The following MDH2 variants were observed in gnomAD, a reference collection of about 807,000 sequenced individuals.
The protein encoded by MDH2 is malate dehydrogenase, mitochondrial.
MDH2 carries 25 observed loss-of-function variants against 33.6 expected under a neutral mutation model. The ratio of observed to expected loss-of-function variants is 0.74; its 90% CI spans 0.54 to 1.04. The LOEUF (loss-of-function observed/expected upper bound fraction) is 1.04, where lower values mean the gene tolerates loss of function less well. Ranked by LOEUF, MDH2 falls within the 50% of genes least tolerant of loss-of-function variation. MDH2 has a pLI of 0.00. For synonymous variants in MDH2, 193 were observed against 188.7 expected (o/e 1.02, Z -0.19); for missense variants, 432 against 445.0 (o/e 0.97, Z 0.26).
At chr7:76,051,617 A>G (rs1444600836) in intron 1 of MDH2, among the ~76,000 whole-genome samples, 6 of 152,204 alleles carry the variant, frequency 3.9e-5, no homozygotes, top group Admixed American at 2.6e-4. Context: ...CACCACGCCT[A>G]GCTGGATCCT....
chr7:76,054,707 A>G lies in MDH2; in HGVS notation c.67-123A>G, dbSNP rs115007081. 1.4e-3 allele frequency: 1,574 copies of G among 1,100,238 alleles called. 12 individuals carry two copies. In the African/African-American group the frequency reaches 0.022, roughly 15 times the overall value. The allele number at this position is 1,100,238 out of a possible 1,614,324, so 68.2% of individuals were successfully genotyped here. Reference sequence around the variant, plus strand: ...CCAGAATGAGACTGTTACAAATACAATGATTGTATCTTGCTTTGGCAACTG... The same window carrying G: ...CCAGAATGAGACTGTTACAAATACAGTGATTGTATCTTGCTTTGGCAACTG... On this transcript the variant is annotated intron_variant, in intron 1 of 8. Coordinates refer to ENST00000315758, the MANE Select transcript of MDH2 (RefSeq NM_005918.4).
At chr7:76,058,868 G>C (rs1375840641) in intron 4 of MDH2, among the ~76,000 whole-genome samples, 1 of 152,166 alleles carries the variant, frequency 6.6e-6, no homozygotes, top group African/African-American at 2.4e-5. Context: ...TGGTGTAGAC[G>C]CATGGGTATG....
intron 8 of MDH2, 45 bp from the exon 9 acceptor site, chr7:76,066,234 C>A: frequency 6.3e-7 from 1 of 1,593,092 alleles, no homozygotes; most frequent in Non-Finnish European, 8.6e-7. Flanking sequence ...CTCTAACAAG[C>A]ACTTTCCTGG....
At chr7:76,060,668 G>A (rs1390292850) in intron 5 of MDH2, among the ~76,000 whole-genome samples, 170 bp downstream of exon 5, 1 of 152,028 alleles carries the variant, frequency 6.6e-6, no homozygotes, top group African/African-American at 2.4e-5. Context: ...TGTGTTTCCT[G>A]TGGGTTCCAG....
chr7:76,049,250 T>C (rs1371077434), intron 1 of MDH2, among the ~76,000 whole-genome samples: 2 of 152,144 alleles, frequency 1.3e-5, no homozygotes, highest in African/African-American at 4.8e-5. Context: ...GAGTTTAACT[T>C]TGTGTATTTT....
chr7:76,065,083 C>T, intron 8 of MDH2, 130 bp downstream of exon 8: 1 of 1,106,580 alleles, frequency 9.0e-7, no homozygotes, highest in Non-Finnish European at 1.3e-6. Context: ...CTGTTGTTTT[C>T]AAGGGTGGAC....
chr7:76,054,639 C>T (rs1226484276), intron 1 of MDH2, 191 bp from the exon 2 acceptor site: 2 of 672,288 alleles, frequency 3.0e-6, no homozygotes, highest in South Asian at 3.6e-5. Context: ...ATAAATTCTC[C>T]CCATTTGAAA....
chr7:76,060,589 G>T, intron 5 of MDH2, 91 bp downstream of exon 5: 1 of 1,541,590 alleles, frequency 6.5e-7, no homozygotes, highest in Non-Finnish European at 8.8e-7. Flanking sequence ...ATGAAGGCAT[G>T]CCCAGGTCAC....
intron 6 of MDH2, among the ~76,000 whole-genome samples, chr7:76,063,941 G>A (rs1363103684): frequency 1.3e-5 from 2 of 152,128 alleles, no homozygotes; most frequent in Non-Finnish European, 1.5e-5. Context: ...AGGCCAAAGC[G>A]GGAGGATTGC....
intron 1 of MDH2, among the ~76,000 whole-genome samples, chr7:76,050,170 C>A (rs1797576049): frequency 6.6e-6 from 1 of 152,168 alleles, no homozygotes; most frequent in African/African-American, 2.4e-5. Context: ...GTGGGAATCA[C>A]AGGCAAGGGC....
intron 4 of MDH2, 105 bp from the exon 5 acceptor site, chr7:76,060,268 T>G: frequency 1.4e-6 from 2 of 1,433,810 alleles, no homozygotes; most frequent in South Asian, 1.4e-5. Flanking sequence ...ATCTTTGGAC[T>G]AGTTAGACCT....
chr7:76,064,263 A>C, intron 6 of MDH2, 76 bp from the exon 7 acceptor site: 3 of 1,044,790 alleles, frequency 2.9e-6, no homozygotes, highest in Non-Finnish European at 2.8e-6. Context: ...GAGGTCGGGA[A>C]TAGTGGGGGT....
chr7:76,065,569 TGA>T (rs1464014573), intron 8 of MDH2, among the ~76,000 whole-genome samples: 9 of 152,200 alleles, frequency 5.9e-5, no homozygotes, highest in Non-Finnish European at 1.2e-4. Context: ...CAGGCCTTGG[TGA>T]GAGACAGGCA....
intron 6 of MDH2, among the ~76,000 whole-genome samples, chr7:76,064,029 C>G (rs73136047): frequency 3.6e-4 from 54 of 151,406 alleles, no homozygotes; most frequent in Non-Finnish European, 5.5e-4. Flanking sequence ...ACCCTGGCCT[C>G]AAAAAACAAA....
intron 2 of MDH2, among the ~76,000 whole-genome samples, chr7:76,056,969 C>T (rs1361166625): frequency 6.6e-6 from 1 of 150,972 alleles, no homozygotes; most frequent in African/African-American, 2.4e-5. Flanking sequence ...GCCAAGATCA[C>T]ACCACTGCAC....
chr7:76,051,609 CCA>C (rs1247360204), intron 1 of MDH2, among the ~76,000 whole-genome samples: 1 of 152,188 alleles, frequency 6.6e-6, no homozygotes, highest in African/African-American at 2.4e-5. Flanking sequence ...GCGTGAGCCA[CCA>C]CGCCTAGCTG....
At position 76,048,846 on chromosome 7, in the gene MDH2, C is replaced by G. The variant is rs901393117; in HGVS notation, c.66+620C>G. 78 of 1,199,688 alleles carry G rather than the reference C, an allele frequency of 6.5e-5. No homozygotes were observed. The Admixed American group carries it at 3.3e-3, about 50-fold the overall frequency. The allele number at this position is 1,199,688 out of a possible 1,614,324, so 74.3% of individuals were successfully genotyped here. A position where few individuals can be genotyped will look rare whatever the true frequency, so the allele number is the denominator to read the frequency against. ...TAACAGTGCTTGACTTGGCCCGCGA[C>G]CACTTAAGCCTAGGAGCCTAGGCTA... On this transcript the variant is annotated intron_variant, in intron 1 of 8. Coordinates refer to ENST00000315758, the MANE Select transcript of MDH2 (RefSeq NM_005918.4).
Position 76,048,181 on chromosome 7 carries a change from G to A in MDH2, c.21G>A (p.Arg7=), listed in dbSNP as rs781946624. MLSALA[R]PASAALRRSF... ...CAGCCATGCTCTCCGCCCTCGCCCG[G>A]CCTGCCAGCGCTGCTCTCCGCCGCA... Residue 7 remains arginine, a synonymous_variant, in exon 1 of 9, where the codon CGG becomes CGA. Coordinates refer to ENST00000315758, the MANE Select transcript of MDH2 (RefSeq NM_005918.4). 6.5e-7 allele frequency: 1 copy of A among 1,536,670 alleles called. No individual in the cohort carries two copies. Among genetic ancestry groups the A allele is most frequent in the Admixed American group, 1.9e-5 (1 of 51,310 alleles).
chr7:76,062,922 T>C (rs1554587219), intron 5 of MDH2, among the ~76,000 whole-genome samples: 3 of 152,110 alleles, frequency 2.0e-5, no homozygotes, highest in Non-Finnish European at 4.4e-5. Context: ...AAAAACCTGG[T>C]TCACAGATTC....
Sources: allele counts gnomAD v4.1 joint callset (sites outside exome capture counted in the v4.1 genomes callset), GRCh38; gene constraint gnomAD v4.1.1; transcripts MANE v1.5; gene names NCBI Gene and HGNC (gene_info 2026-07-23, HGNC 2026-07-21).